Variants in NRP1 observed in about 807,000 individuals in gnomAD.
NRP1 encodes neuropilin-1.
A neutral mutation model predicts 106.7 loss-of-function variants in NRP1; 35 were observed. The observed-to-expected ratio is 0.33, with a 90% CI of 0.25 to 0.43. The LOEUF (loss-of-function observed/expected upper bound fraction) is 0.43, where lower values mean the gene tolerates loss of function less well. Ranked by LOEUF, NRP1 falls within the 20% of genes least tolerant of loss-of-function variation. The pLI is 1.00. For synonymous variants in NRP1, 437 were observed against 417.9 expected (o/e 1.05, Z -0.56); for missense variants, 1,024 against 1,170.4 (o/e 0.87, Z 1.83).
At chr10:33,297,967 A>G (rs989770083) in intron 2 of NRP1, among the ~76,000 whole-genome samples, 1 of 152,018 alleles carries the variant, frequency 6.6e-6, no homozygotes, top group East Asian at 1.9e-4. Context: ...CTAGTGCCAC[A>G]TTTTCCTGTT....
chr10:33,205,612 G>T (rs1438823160), intron 10 of NRP1: 1 of 152,522 alleles, frequency 6.6e-6, no homozygotes, highest in Non-Finnish European at 1.5e-5. Flanking sequence ...GGAGTCAAAG[G>T]TGTCCTCTTG....
intron 2 of NRP1, among the ~76,000 whole-genome samples, chr10:33,283,564 G>A (rs1161505436): frequency 6.6e-6 from 1 of 152,156 alleles, no homozygotes; most frequent in African/African-American, 2.4e-5. Flanking sequence ...GACAACATGT[G>A]AAAATAAAAG....
At chr10:33,312,948 A>G (rs567937561) in intron 2 of NRP1, among the ~76,000 whole-genome samples, 1 of 152,322 alleles carries the variant, frequency 6.6e-6, no homozygotes, top group East Asian at 1.9e-4. Context: ...CTTAAAGCAC[A>G]CCTCAAACTT....
At chr10:33,222,498 GATTTATTT>G (rs35691858) in intron 7 of NRP1, among the ~76,000 whole-genome samples, 315 of 104,040 alleles carry the variant, frequency 3.0e-3, no homozygotes, top group African/African-American at 8.6e-3. Context: ...TGTGCGTCAA[GATTTATTT>G]ATTTATTTAT....
intron 2 of NRP1, among the ~76,000 whole-genome samples, chr10:33,281,793 C>G (rs900433162): frequency 6.6e-6 from 1 of 152,080 alleles, no homozygotes; most frequent in Non-Finnish European, 1.5e-5. Context: ...TTCGATGGTC[C>G]CTTTCCAAGT....
intron 2 of NRP1, among the ~76,000 whole-genome samples, chr10:33,313,018 G>A (rs1263482293): frequency 6.6e-6 from 1 of 152,174 alleles, no homozygotes. Flanking sequence ...AATTTCTACT[G>A]ACTGTGAATG....
intron 16 of NRP1, 149 bp downstream of exon 16, chr10:33,182,549 C>T (rs1265967872): frequency 1.6e-6 from 1 of 621,188 alleles, no homozygotes. Context: ...CAATCCGATC[C>T]ACAGCACCAA....
intron 16 of NRP1, among the ~76,000 whole-genome samples, chr10:33,181,179 A>G (rs1835664003): frequency 1.3e-5 from 2 of 152,238 alleles, no homozygotes; most frequent in Admixed American, 1.3e-4. Context: ...AAACGGGATG[A>G]AAATGTTAAC....
At chr10:33,297,986 A>G (rs1164172354) in intron 2 of NRP1, among the ~76,000 whole-genome samples, 1 of 152,166 alleles carries the variant, frequency 6.6e-6, no homozygotes, top group Non-Finnish European at 1.5e-5. Flanking sequence ...TTGATACTAT[A>G]CTCATCAACT....
At chr10:33,190,900 C>G (rs1224575717) in intron 13 of NRP1, among the ~76,000 whole-genome samples, 2 of 152,042 alleles carry the variant, frequency 1.3e-5, no homozygotes, top group African/African-American at 2.4e-5. Context: ...GTCACCCAGG[C>G]TGGAGTGCAA....
At chr10:33,253,962 C>T (rs1044216238) in intron 6 of NRP1, 66 bp downstream of exon 6, 1 of 1,477,654 alleles carries the variant, frequency 6.8e-7, no homozygotes, top group South Asian at 1.4e-5. Context: ...CACTTTCTTT[C>T]AACAACCTCT....
At chr10:33,192,858 G>T (rs1051163121) in intron 12 of NRP1, among the ~76,000 whole-genome samples, 2 of 152,134 alleles carry the variant, frequency 1.3e-5, no homozygotes, top group African/African-American at 4.8e-5. Context: ...CTCAAAAGTG[G>T]AAAGTAACTT....
intron 6 of NRP1, among the ~76,000 whole-genome samples, chr10:33,242,937 A>G (rs886415898): frequency 1.3e-5 from 2 of 152,168 alleles, no homozygotes; most frequent in African/African-American, 4.8e-5. Context: ...AGAATGGAAC[A>G]TGGTATTTGT....
At chr10:33,188,177 C>T (rs1836141858) in intron 13 of NRP1, among the ~76,000 whole-genome samples, 1 of 152,144 alleles carries the variant, frequency 6.6e-6, no homozygotes, top group Admixed American at 6.5e-5. Context: ...CCCATCGTGC[C>T]TCTGTCCCCT....
chr10:33,241,067 A>G (rs188277513), intron 6 of NRP1, among the ~76,000 whole-genome samples: 1 of 152,364 alleles, frequency 6.6e-6, no homozygotes, highest in East Asian at 1.9e-4. Flanking sequence ...TGACTCTCCA[A>G]GAAAATCTTG....
chr10:33,231,172 G>C (rs968431877), intron 6 of NRP1, among the ~76,000 whole-genome samples: 4 of 152,118 alleles, frequency 2.6e-5, no homozygotes, highest in Admixed American at 6.5e-5. Flanking sequence ...GGCCTAGTAG[G>C]CTAAACCCCT....
At position 33,326,513 on chromosome 10, in the gene NRP1, T is replaced by C. The variant is rs574767393; in HGVS notation, c.248+4195A>G. 3.9e-5 allele frequency among the ~76,000 whole-genome samples: 6 copies of C among 152,298 alleles called. No homozygotes were observed. The East Asian group carries it at 1.2e-3, about 29-fold the overall frequency. On this transcript the variant is annotated intron_variant, in intron 2 of 16. Coordinates refer to ENST00000374867, the MANE Select transcript of NRP1 (RefSeq NM_003873.7). ...TCGGTCAGAGCATTCTCTAGAATCC[T>C]CTCAATCTAATAATAAAATCATGCA... is the stretch of plus-strand genomic sequence containing the variant.
chr10:33,256,421 G>A lies in NRP1; in HGVS notation c.709C>T (p.Arg237Ter). 1 of 1,614,162 alleles carries A rather than the reference G, an allele frequency of 6.2e-7. No individual in the cohort carries two copies. Among genetic ancestry groups the A allele is most frequent in the Non-Finnish European group, 8.5e-7 (1 of 1,180,010 alleles). Residue 237 changes from arginine to a stop codon, truncating the protein, a stop_gained, in exon 5 of 17, where the codon CGA becomes TGA. Transcript: ENST00000374867. LOFTEE classifies it high-confidence loss of function. ...ATGGAGAGAATGCCCGATGAGGATC[G>A]GATTCGACCTGGTGTTTTCTGTCCA... ...YCGQKTPGRIRSSSGILSMVF... is the reference protein window; with the variant it reads ...YCGQKTPGRI
intron 2 of NRP1, among the ~76,000 whole-genome samples, chr10:33,275,940 A>G (rs916265809): frequency 6.6e-6 from 1 of 152,058 alleles, no homozygotes; most frequent in Non-Finnish European, 1.5e-5. Context: ...AACAAAAAAA[A>G]CTCAACAAAA....
Sources: allele counts gnomAD v4.1 joint callset (sites outside exome capture counted in the v4.1 genomes callset), GRCh38; gene constraint gnomAD v4.1.1; transcripts MANE v1.5; gene names NCBI Gene and HGNC (gene_info 2026-07-23, HGNC 2026-07-21).